Variants in TBC1D16 observed in about 807,000 individuals in gnomAD.
The protein encoded by TBC1D16 is TBC1 domain family member 16.
TBC1D16 carries 58 observed loss-of-function variants against 74.7 expected under a neutral mutation model. The observed-to-expected ratio is 0.78, with a 90% CI of 0.63 to 0.97. TBC1D16 has a LOEUF of 0.97. Among genes scored for constraint, TBC1D16 ranks in the 50% least tolerant of loss-of-function variants. The pLI is 0.00. For synonymous variants in TBC1D16, 493 were observed against 474.7 expected (o/e 1.04, Z -0.50); for missense variants, 1,014 against 1,079.5 (o/e 0.94, Z 0.85).
At chr17:80,033,995 C>T (rs1320369220) in intron 1 of TBC1D16, among the ~76,000 whole-genome samples, 1 of 152,212 alleles carries the variant, frequency 6.6e-6, no homozygotes, top group Non-Finnish European at 1.5e-5. Flanking sequence ...AGGCCTAATT[C>T]TGTCACTCCT....
chr17:79,968,321 C>CT (rs1215333262), intron 3 of TBC1D16, among the ~76,000 whole-genome samples: 2 of 152,218 alleles, frequency 1.3e-5, no homozygotes, highest in Non-Finnish European at 1.5e-5. Context: ...AAAGAATAGT[C>CT]TTTTCAGCAA....
At chr17:79,965,086 T>C (rs2033782873) in intron 3 of TBC1D16, among the ~76,000 whole-genome samples, 1 of 18,584 alleles carries the variant, frequency 5.4e-5, no homozygotes, top group Admixed American at 5.3e-4. Context: ...TCTGTATTAA[T>C]TTTTTTTTGA....
At chr17:79,989,328 T>A (rs760550825) in intron 3 of TBC1D16, among the ~76,000 whole-genome samples, 18 of 152,312 alleles carry the variant, frequency 1.2e-4, no homozygotes, top group South Asian at 8.3e-4. Context: ...TCAAAGCCCC[T>A]CTCACTGGTG....
At chr17:79,982,029 C>T (rs555530431) in intron 3 of TBC1D16, among the ~76,000 whole-genome samples, 177 of 152,336 alleles carry the variant, frequency 1.2e-3, no homozygotes, top group African/African-American at 4.0e-3. Context: ...TTAGCCCTGT[C>T]GGTATGCAGG....
chr17:80,030,622 G>A (rs373688087), intron 1 of TBC1D16, among the ~76,000 whole-genome samples: 10 of 152,208 alleles, frequency 6.6e-5, no homozygotes, highest in East Asian at 1.9e-4. Context: ...ACTCTGTGCC[G>A]TGCACCGGCC....
rs1241621698 is a variant in TBC1D16 at position 79,950,080 on chromosome 17, G to A, written c.1258-215C>T. Reference sequence around the variant, plus strand: ...ATGTCAATGCCCCCCCTGGGGTGGCGCTCAGATTAACGTGTCGTTCTCACG... The same window carrying A: ...ATGTCAATGCCCCCCCTGGGGTGGCACTCAGATTAACGTGTCGTTCTCACG... On this transcript the variant is annotated intron_variant, in intron 6 of 11. Transcript: ENST00000310924. The surrounding 1 kb of genome is among the most constrained non-coding windows in gnomAD (Gnocchi z 4.6). 6.6e-6 allele frequency among the ~76,000 whole-genome samples: 1 copy of A among 152,172 alleles called. No homozygotes were observed. Among genetic ancestry groups the A allele is most frequent in the African/African-American group, 2.4e-5 (1 of 41,448 alleles).
chr17:79,989,780 G>A (rs890972756), intron 3 of TBC1D16, among the ~76,000 whole-genome samples: 1 of 152,232 alleles, frequency 6.6e-6, no homozygotes, highest in African/African-American at 2.4e-5. Flanking sequence ...AGTCCCACCA[G>A]AGAACGGTAT....
chr17:80,023,565 C>T (rs946077353), intron 1 of TBC1D16, among the ~76,000 whole-genome samples: 3 of 150,100 alleles, frequency 2.0e-5, no homozygotes, highest in African/African-American at 7.6e-5. Flanking sequence ...CCACTTAGAG[C>T]GCACAGCCCA....
rs529910320 is a variant in TBC1D16 at position 80,029,539 on chromosome 17, G to T, written c.-63+6256C>A. ...GTCTTCTCTAGCAAATATTCACAGG[G>T]CATGAGGTTAGGACATCTACTACCC... On this transcript the variant is annotated intron_variant, in intron 1 of 11. Transcript: ENST00000310924. Among the ~76,000 whole-genome samples the T allele has an allele frequency of 2.0e-5, 3 of 152,266 alleles. 1 individual carries two copies. The South Asian group carries it at 6.2e-4, about 32-fold the overall frequency.
chr17:80,025,092 C>CACCAT (rs2036515700), intron 1 of TBC1D16, among the ~76,000 whole-genome samples: 5 of 5,896 alleles, frequency 8.5e-4, no homozygotes, highest in Non-Finnish European at 2.3e-3. Context: ...CCATGACACA[C>CACCAT]ACACACCATA....
Position 79,956,093 on chromosome 17 carries a change from A to G in TBC1D16, c.780-3275T>C, listed in dbSNP as rs950619388. Among the ~76,000 whole-genome samples, 2 of 152,220 alleles carry G rather than the reference A, an allele frequency of 1.3e-5. No homozygotes were observed. Among genetic ancestry groups the G allele is most frequent in the African/African-American group, 4.8e-5 (2 of 41,452 alleles). ...AGACACGCAACTGGCAGTCAGCACC[A>G]GAGCCCCGACACCTGTCAATGGAGG... On this transcript the variant is annotated intron_variant, in intron 3 of 11. Coordinates refer to ENST00000310924, the MANE Select transcript of TBC1D16 (RefSeq NM_019020.4). This position sits in a 1 kb window ranked among gnomAD's most constrained non-coding sequence, Gnocchi z 4.0.
intron 1 of TBC1D16, among the ~76,000 whole-genome samples, chr17:80,026,354 G>A (rs12951883): frequency 6.7e-6 from 1 of 149,800 alleles, no homozygotes; most frequent in East Asian, 1.9e-4. Flanking sequence ...GAACCCGGGA[G>A]GCAGAGGTGG....
At position 79,944,967 on chromosome 17, in the gene TBC1D16, G is replaced by A. The variant is rs1167056117; in HGVS notation, c.1849C>T (p.Arg617Trp). 36 of 1,559,346 alleles carry A rather than the reference G, an allele frequency of 2.3e-5. No individual in the cohort carries two copies. Among genetic ancestry groups the A allele is most frequent in the Middle Eastern group, 1.7e-4 (1 of 6,006 alleles). ...AGCGCTTCGGCCTCGGGGAACTCCCGCTTGAAGCACAGAAGGAGCCAGCGG... is the reference window on the plus strand; with the variant it reads ...AGCGCTTCGGCCTCGGGGAACTCCCACTTGAAGCACAGAAGGAGCCAGCGG... ...CHRWLLLCFKREFPEAEALRI... is the reference protein window; with the variant it reads ...CHRWLLLCFKWEFPEAEALRI... The change falls in exon 10 of 12, where the codon CGG becomes TGG. Residue 617 changes from arginine (R) to tryptophan (W), a missense_variant. Arg to Trp is a moderately radical substitution (Grantham distance 101, BLOSUM62 -3). Transcript: ENST00000310924. This position sits in a 1 kb window ranked among gnomAD's most constrained non-coding sequence, Gnocchi z 7.7.
intron 3 of TBC1D16, among the ~76,000 whole-genome samples, chr17:79,977,039 G>A (rs1435343799): frequency 6.6e-6 from 1 of 152,214 alleles, no homozygotes; most frequent in Non-Finnish European, 1.5e-5. Context: ...AGGAGGAAGG[G>A]AGGAATAAAA....
chr17:79,949,134 G>T, intron 7 of TBC1D16, 128 bp from the exon 8 acceptor site: 1 of 1,242,054 alleles, frequency 8.1e-7, no homozygotes, highest in Non-Finnish European at 1.1e-6. Flanking sequence ...GGCGGCTGCT[G>T]CCGGCTGCAG....
At position 79,981,909 on chromosome 17, in the gene TBC1D16, G is replaced by GCA. The variant is rs887335821; in HGVS notation, c.779+28249_779+28250dup. Among the ~76,000 whole-genome samples the GCA allele has an allele frequency of 1.3e-5, 2 of 152,100 alleles. No homozygotes were observed. The highest frequency in any genetic ancestry group is 2.4e-5 in the African/African-American group (1 of 41,426). Reference sequence around the variant, plus strand: ...GCGGCCCTCCGGGGCTTCCCTGTGCGCACACACACACGCACACACACACAC... The same window carrying GCA: ...GCGGCCCTCCGGGGCTTCCCTGTGCGCACACACACACACGCACACACACACAC... On this transcript the variant is annotated intron_variant, in intron 3 of 11. Transcript: ENST00000310924. This position sits in a 1 kb window ranked among gnomAD's most constrained non-coding sequence, Gnocchi z 6.9.
At chr17:80,011,690 A>G (rs1488799588) in intron 2 of TBC1D16, among the ~76,000 whole-genome samples, 8 of 152,132 alleles carry the variant, frequency 5.3e-5, no homozygotes, top group East Asian at 1.9e-4. Flanking sequence ...GCCGGGCGTG[A>G]TGGTGGGCGC....
rs564899777 is a variant in TBC1D16, at chr17:79,950,821, C to A, written c.1090-243G>T. On this transcript the variant is annotated intron_variant, in intron 5 of 11. Transcript: ENST00000310924. This position sits in a 1 kb window ranked among gnomAD's most constrained non-coding sequence, Gnocchi z 4.6. ...CCCGGCCCACTGTGCCGCCGCCCCC[C>A]ACTCTCTCCAACCCCAGCCGCAAAA... 6.6e-5 allele frequency: 102 copies of A among 1,535,034 alleles called. 1 individual carries two copies. In the South Asian group the frequency reaches 9.9e-4, roughly 15 times the overall value.
At position 80,000,717 on chromosome 17, in the gene TBC1D16, T is replaced by A. The variant is rs2035455561; in HGVS notation, c.779+9443A>T. On this transcript the variant is annotated intron_variant, in intron 3 of 11. Coordinates refer to ENST00000310924, the MANE Select transcript of TBC1D16 (RefSeq NM_019020.4). This position sits in a 1 kb window ranked among gnomAD's most constrained non-coding sequence, Gnocchi z 4.1. ...TGTACTGAGCCCTCTGTGCAGAGCTTTACACGCACGGCCTTCCTGAACCCC... is the reference window on the plus strand; with the variant it reads ...TGTACTGAGCCCTCTGTGCAGAGCTATACACGCACGGCCTTCCTGAACCCC... Among the ~76,000 whole-genome samples the A allele has an allele frequency of 6.6e-6, 1 of 152,110 alleles. No homozygotes were observed. Among genetic ancestry groups the A allele is most frequent in the Non-Finnish European group, 1.5e-5 (1 of 68,008 alleles).
Sources: allele counts gnomAD v4.1 joint callset (sites outside exome capture counted in the v4.1 genomes callset), GRCh38; gene constraint gnomAD v4.1.1; non-coding constraint Gnocchi (gnomAD v3.1); transcripts MANE v1.5; gene names NCBI Gene and HGNC (gene_info 2026-07-23, HGNC 2026-07-21).